Variants in SMC5 observed in about 807,000 individuals in gnomAD.
The protein encoded by SMC5 is structural maintenance of chromosomes protein 5.
Under a neutral mutation model 148.3 loss-of-function variants are expected in SMC5, and 88 were observed. The observed-to-expected ratio is 0.59, with a 90% CI of 0.50 to 0.71. The LOEUF is 0.71. SMC5 is among the 30% of genes least tolerant of loss of function. The pLI, the probability that SMC5 is intolerant of heterozygous loss-of-function variation, is 0.00. For synonymous variants in SMC5, 421 were observed against 432.8 expected, an observed-to-expected ratio of 0.97 and a Z score of 0.34; for missense variants, 1,142 against 1,298.9, an observed-to-expected ratio of 0.88 and a Z score of 1.86.
intron 1 of SMC5, among the ~76,000 whole-genome samples, chr9:70,260,158 G>T (rs928952015): frequency 6.6e-6 from 1 of 152,216 alleles, no homozygotes; most frequent in East Asian, 1.9e-4. Context: ...GGGCTGGAAG[G>T]TAGTGGCGCA....
chr9:70,324,057 A>C lies in SMC5; in HGVS notation c.2311A>C (p.Ile771Leu), dbSNP rs1489168254. 6.3e-7 allele frequency: 1 copy of C among 1,588,018 alleles called. No individual in the cohort carries two copies. The highest frequency in any genetic ancestry group is 8.5e-7 in the Non-Finnish European group (1 of 1,173,208). ...TSLHIQKVDL[I>L]LQNTTVISEK... ...TTTGCATATACAAAAAGTAGATTTA[A>C]TTCTCCAAAATACTACAGTGATCTC... Residue 771 changes from isoleucine to leucine, a missense_variant, in exon 17 of 25, where the codon ATT (isoleucine) becomes CTT (leucine). Ile to Leu is a conservative substitution (Grantham distance 5). Transcript: ENST00000361138.
intron 17 of SMC5, among the ~76,000 whole-genome samples, chr9:70,339,110 C>T (rs546804960): frequency 8.5e-5 from 13 of 152,084 alleles, no homozygotes; most frequent in Non-Finnish European, 1.8e-4. Flanking sequence ...GCTGTCTGAT[C>T]GTAGTCATTA....
chr9:70,335,987 C>T (rs1188040340), intron 17 of SMC5, among the ~76,000 whole-genome samples: 1 of 152,098 alleles, frequency 6.6e-6, no homozygotes, highest in Non-Finnish European at 1.5e-5. Flanking sequence ...TTAACCCTTG[C>T]TGTATTTGTT....
intron 15 of SMC5, among the ~76,000 whole-genome samples, chr9:70,319,190 C>G (rs1212202480): frequency 6.6e-6 from 1 of 152,064 alleles, no homozygotes; most frequent in African/African-American, 2.4e-5. Flanking sequence ...CCTTTATATG[C>G]TTAAAAATTA....
At chr9:70,270,642 A>T (rs1007457401) in intron 3 of SMC5, among the ~76,000 whole-genome samples, 4 of 103,812 alleles carry the variant, frequency 3.9e-5, no homozygotes, top group African/African-American at 1.5e-4. Flanking sequence ...AGACTAAATA[A>T]TTTTTTTTTT....
chr9:70,260,061 C>T (rs2034061972), intron 1 of SMC5, among the ~76,000 whole-genome samples: 1 of 152,008 alleles, frequency 6.6e-6, no homozygotes, highest in South Asian at 2.1e-4. Context: ...TCTTCTGGGT[C>T]AGCCTCCCGA....
At chr9:70,287,674 A>T (rs1333459967) in intron 8 of SMC5, among the ~76,000 whole-genome samples, 2 of 152,122 alleles carry the variant, frequency 1.3e-5, no homozygotes, top group African/African-American at 4.8e-5. Context: ...CAAAGAATTA[A>T]CCACAAATGT....
At chr9:70,352,067 TG>T in intron 24 of SMC5, 123 bp from the exon 25 acceptor site, 2 of 838,306 alleles carry the variant, frequency 2.4e-6, no homozygotes, top group Non-Finnish European at 3.5e-6. Flanking sequence ...AGCAGCAGAG[TG>T]GGAAAAAAAA....
At chr9:70,272,960 GAATT>G (rs1231668250) in intron 3 of SMC5, among the ~76,000 whole-genome samples, 1 of 152,126 alleles carries the variant, frequency 6.6e-6, no homozygotes, top group Admixed American at 6.5e-5. Flanking sequence ...TTAAGTTGAA[GAATT>G]AATTAATTCC....
Position 70,347,047 on chromosome 9 carries a change from C to T in SMC5, c.2569-19C>T, listed in dbSNP as rs760643763. ...ACTGTTTTCATTGTATCTATAATGA[C>T]GGGCAATTTTTTTCTTAGGTTTTCC... On this transcript the variant is annotated intron_variant, in intron 19 of 24. Coordinates refer to ENST00000361138, the MANE Select transcript of SMC5 (RefSeq NM_015110.4). 88 of 1,580,126 alleles carry T rather than the reference C, an allele frequency of 5.6e-5. No individual in the cohort carries two copies. Among genetic ancestry groups the T allele is most frequent in the South Asian group, 1.6e-4 (14 of 90,024 alleles).
intron 13 of SMC5, among the ~76,000 whole-genome samples, chr9:70,317,471 A>T (rs1476062301): frequency 1.3e-5 from 2 of 152,176 alleles, no homozygotes; most frequent in African/African-American, 4.8e-5. Context: ...GGTAGGCTAA[A>T]GTCATCCAGT....
chr9:70,293,034 C>T (rs2035107058), intron 8 of SMC5, among the ~76,000 whole-genome samples: 1 of 152,060 alleles, frequency 6.6e-6, no homozygotes, highest in South Asian at 2.1e-4. Flanking sequence ...GATCCTTCCT[C>T]TTCTACTTTC....
chr9:70,267,896 G>A (rs751239687), intron 2 of SMC5, 27 bp from the exon 3 acceptor site: 2 of 1,595,098 alleles, frequency 1.3e-6, no homozygotes, highest in Non-Finnish European at 1.7e-6. Flanking sequence ...TCACTACACA[G>A]CTCACTTTTT....
At chr9:70,308,095 G>A (rs7858988) in intron 11 of SMC5, among the ~76,000 whole-genome samples, 32,752 of 151,926 alleles carry the variant, frequency 0.22, 3,672 homozygotes, top group South Asian at 0.28. Flanking sequence ...CCTTATGTCT[G>A]TATTTATTTC....
chr9:70,282,568 T>A lies in SMC5; in HGVS notation c.966T>A (p.Ala322=), dbSNP rs761049946. Residue 322 remains alanine, a synonymous_variant, in exon 7 of 25, where the codon GCT becomes GCA. Transcript: ENST00000361138. ...EMENERHNLE[A]RIKEKATDIK... ...AAAACGAGCGTCACAATTTGGAGGC[T>A]CGAATCAAAGAAAAGGTACTTTTTG... 2.5e-6 allele frequency: 4 copies of A among 1,572,098 alleles called. No homozygotes were observed. Among genetic ancestry groups the A allele is most frequent in the Non-Finnish European group, 3.4e-6 (4 of 1,166,002 alleles).
chr9:70,333,455 G>A lies in SMC5; in HGVS notation c.2397+9312G>A, dbSNP rs1343643938. Among the ~76,000 whole-genome samples, 11 of 152,238 alleles carry A rather than the reference G, an allele frequency of 7.2e-5. No individual in the cohort carries two copies. In the South Asian group the frequency reaches 2.3e-3, roughly 32 times the overall value. The stretch of plus-strand genomic sequence containing the variant: ...ACTGCGCTTCAGCCTCCTGGACGAG[G>A]GGATAAAACCCTGTCATTAAAAAGA... On this transcript the variant is annotated intron_variant, in intron 17 of 24. Transcript: ENST00000361138.
chr9:70,286,439 G>A (rs1003001413), intron 8 of SMC5, among the ~76,000 whole-genome samples, 168 bp downstream of exon 8: 1 of 152,128 alleles, frequency 6.6e-6, no homozygotes, highest in African/African-American at 2.4e-5. Flanking sequence ...GTTGCTCAGA[G>A]GACAATTGTG....
At chr9:70,339,390 C>T (rs1201596065) in intron 17 of SMC5, among the ~76,000 whole-genome samples, 3 of 150,906 alleles carry the variant, frequency 2.0e-5, no homozygotes, top group African/African-American at 7.3e-5. Context: ...GATCACACCA[C>T]TGCACTCCAG....
chr9:70,352,366 T>G lies in SMC5; in HGVS notation c.*35T>G, dbSNP rs759932263. 1.9e-6 allele frequency: 3 copies of G among 1,558,626 alleles called. No individual in the cohort carries two copies. The highest frequency in any genetic ancestry group is 2.1e-5 in the Admixed American group (1 of 48,648). ...AGAGAGGGAACTTGGGAATTTTTTT[T>G]GTTAAATTCTGTTTATAAGTATGGC... On this transcript the variant is annotated 3_prime_UTR_variant, in exon 25 of 25. Coordinates refer to ENST00000361138, the MANE Select transcript of SMC5 (RefSeq NM_015110.4).
Sources: allele counts gnomAD v4.1 joint callset (sites outside exome capture counted in the v4.1 genomes callset), GRCh38; gene constraint gnomAD v4.1.1; transcripts MANE v1.5; gene names NCBI Gene and HGNC (gene_info 2026-07-23, HGNC 2026-07-21).